ESR2: variants seen among roughly 807,000 people sequenced by gnomAD.
ESR2 encodes estrogen receptor beta.
A neutral mutation model predicts 49.6 loss-of-function variants in ESR2; 36 were observed. The observed-to-expected ratio is 0.73, with a 90% CI of 0.56 to 0.96. The LOEUF (loss-of-function observed/expected upper bound fraction) is 0.96, where lower values mean the gene tolerates loss of function less well. Ranked by LOEUF, ESR2 falls within the 40% of genes least tolerant of loss-of-function variation. The pLI is 0.00. For missense variants in ESR2, 714 were observed against 693.0 expected (o/e 1.03, Z -0.34); for synonymous variants, 320 against 266.1 (o/e 1.20, Z -1.97).
chr14:64,301,122 T>G (rs2077016555), intron 1 of ESR2, among the ~76,000 whole-genome samples: 2 of 151,934 alleles, frequency 1.3e-5, no homozygotes, highest in African/African-American at 4.8e-5. Flanking sequence ...TAGCAGAGGG[T>G]TCAAACCAGA....
intron 1 of ESR2, among the ~76,000 whole-genome samples, chr14:64,285,033 T>C (rs544845632): frequency 6.6e-6 from 1 of 152,138 alleles, no homozygotes; most frequent in East Asian, 1.9e-4. Context: ...GTATTTTTAG[T>C]AGAGACGGCG....
intron 1 of ESR2, among the ~76,000 whole-genome samples, chr14:64,304,644 G>C (rs992770267): frequency 6.6e-6 from 1 of 152,172 alleles, no homozygotes; most frequent in Non-Finnish European, 1.5e-5. Context: ...TGAAGCAGGA[G>C]GATCACTTGA....
At chr14:64,240,567 A>G (rs1022538122) in intron 7 of ESR2, among the ~76,000 whole-genome samples, 1 of 152,224 alleles carries the variant, frequency 6.6e-6, no homozygotes, top group East Asian at 1.9e-4. Context: ...AATAACCTGC[A>G]CATATTTTGC....
chr14:64,264,827 T>C (rs898831986), intron 4 of ESR2, among the ~76,000 whole-genome samples: 2 of 148,480 alleles, frequency 1.3e-5, no homozygotes, highest in Non-Finnish European at 3.0e-5. Context: ...TAAGCCAAGA[T>C]TGCACCACTG....
chr14:64,236,901 A>G (rs1448714637), intron 7 of ESR2, among the ~76,000 whole-genome samples: 3 of 150,296 alleles, frequency 2.0e-5, no homozygotes, highest in Non-Finnish European at 4.4e-5. Flanking sequence ...CACACACCCC[A>G]CAGCCACCCT....
In ESR2 at chr14:64,282,767, G is replaced by A. The variant is rs976430390; in HGVS notation, c.219C>T (p.Thr73=). The A allele has an allele frequency of 3.1e-6, 5 of 1,614,110 alleles. No homozygotes were observed. Among genetic ancestry groups the A allele is most frequent in the Non-Finnish European group, 4.2e-6 (5 of 1,180,046 alleles). ...TTGGCCACAACACATTTGGGCTTGTGGTCTGCCGACCAGGCCCACCTTCCA... is the reference window on the plus strand; with the variant it reads ...TTGGCCACAACACATTTGGGCTTGTAGTCTGCCGACCAGGCCCACCTTCCA... ...TNLEGGPGRQ[T]TSPNVLWPTP... is the part of the protein sequence containing the mutation. The change falls in exon 2 of 9, where the codon ACC becomes ACT. Residue 73 remains threonine, a synonymous_variant. Transcript: ENST00000341099.
At chr14:64,246,790 A>G (rs1166005385) in intron 7 of ESR2, among the ~76,000 whole-genome samples, 2 of 146,562 alleles carry the variant, frequency 1.4e-5, no homozygotes, top group African/African-American at 2.5e-5. Flanking sequence ...GACTTTCCTT[A>G]TATGCACATC....
At chr14:64,287,851 C>T (rs866730645) in intron 1 of ESR2, among the ~76,000 whole-genome samples, 4 of 152,134 alleles carry the variant, frequency 2.6e-5, no homozygotes, top group South Asian at 2.1e-4. Context: ...GTTTTCCCAA[C>T]ACATCGATTG....
intron 7 of ESR2, 105 bp downstream of exon 7, chr14:64,249,441 C>A (rs533007972): frequency 7.6e-7 from 1 of 1,313,692 alleles, no homozygotes; most frequent in East Asian, 2.4e-5. Context: ...AACCATTTTA[C>A]CCTTTCAAAT....
intron 5 of ESR2, 118 bp downstream of exon 5, chr14:64,260,331 G>T: frequency 1.0e-6 from 1 of 1,003,954 alleles, no homozygotes; most frequent in Non-Finnish European, 1.6e-6. Flanking sequence ...ATCCAGCTGA[G>T]GACCTGTTAA....
intron 1 of ESR2, among the ~76,000 whole-genome samples, chr14:64,307,448 C>T (rs944954407): frequency 6.6e-6 from 1 of 151,908 alleles, no homozygotes; most frequent in South Asian, 2.1e-4. Context: ...CTCCTGACCT[C>T]GTGATCCGCC....
intron 3 of ESR2, among the ~76,000 whole-genome samples, chr14:64,272,475 C>T (rs1290030347): frequency 1.3e-5 from 2 of 152,134 alleles, no homozygotes; most frequent in Non-Finnish European, 2.9e-5. Context: ...ATTTGCCCCA[C>T]CCAATGTCCT....
rs1596473398 is a variant in ESR2, at chr14:64,300,614, AC to A, written c.-90-17540del. 5.3e-5 allele frequency among the ~76,000 whole-genome samples: 8 copies of A among 151,962 alleles called. No individual in the cohort carries two copies. The East Asian group carries it at 1.2e-3, about 22-fold the overall frequency. ...ATCTCTACAAAAAATACAACAATTA[AC>A]CAGGTGTGGTGGCACCTGTAGTCCC... On this transcript the variant is annotated intron_variant, in intron 1 of 8. Transcript: ENST00000358599.
chr14:64,326,158 G>T (rs142762204), intron 1 of ESR2, among the ~76,000 whole-genome samples: 1 of 152,046 alleles, frequency 6.6e-6, no homozygotes, highest in Admixed American at 6.6e-5. Flanking sequence ...GGTTATAGTC[G>T]AAGGAATTTG....
At chr14:64,269,353 A>C (rs1261649012) in intron 3 of ESR2, among the ~76,000 whole-genome samples, 4 of 152,250 alleles carry the variant, frequency 2.6e-5, no homozygotes, top group African/African-American at 9.6e-5. Context: ...TAAAATAACA[A>C]AAGGAACAAA....
At chr14:64,325,585 A>C (rs373745177) in intron 1 of ESR2, among the ~76,000 whole-genome samples, 1 of 152,164 alleles carries the variant, frequency 6.6e-6, no homozygotes, top group Admixed American at 6.6e-5. Context: ...AAGGCAAATA[A>C]TTAAGATTGG....
intron 4 of ESR2, among the ~76,000 whole-genome samples, chr14:64,262,199 C>G (rs577269670): frequency 1.5e-4 from 22 of 151,098 alleles, no homozygotes; most frequent in African/African-American, 5.3e-4. Flanking sequence ...ACTGCAGCCT[C>G]AACCTCCCAG....
chr14:64,277,424 G>A (rs532960307), intron 3 of ESR2, among the ~76,000 whole-genome samples: 13 of 152,146 alleles, frequency 8.5e-5, no homozygotes, highest in South Asian at 4.2e-4. Context: ...AGGAGATCGA[G>A]ACCATCCTGG....
At chr14:64,271,514 C>A (rs2076446475) in intron 3 of ESR2, among the ~76,000 whole-genome samples, 1 of 152,164 alleles carries the variant, frequency 6.6e-6, no homozygotes, top group Non-Finnish European at 1.5e-5. Flanking sequence ...TTAGTAGAGA[C>A]AGGGTTTCAC....
Sources: gnomAD v4.1 joint callset for allele counts (sites outside exome capture counted in the v4.1 genomes callset) on GRCh38, gnomAD v4.1.1 for gene constraint, MANE v1.5 for transcripts, NCBI Gene and HGNC (gene_info 2026-07-23, HGNC 2026-07-21) for gene names.